Variants in CCBE1 observed in about 807,000 individuals in gnomAD.
CCBE1 encodes the protein collagen and calcium binding EGF domains 1.
In CCBE1, 37 loss-of-function variants were observed where a neutral mutation model predicts 50.0. The observed-to-expected ratio is 0.74, with a 90% CI of 0.57 to 0.97. CCBE1 has a LOEUF of 0.97. Ranked by LOEUF, CCBE1 falls within the 50% of genes least tolerant of loss-of-function variation. The probability of loss-of-function intolerance (pLI) is 0.00; values close to 1 mark genes in which losing one functional copy is unlikely to be tolerated. For missense variants in CCBE1, 538 were observed against 523.8 expected, an observed-to-expected ratio of 1.03 and a Z score of -0.26; for synonymous variants, 234 against 203.7, an observed-to-expected ratio of 1.15 and a Z score of -1.27.
intron 2 of CCBE1, among the ~76,000 whole-genome samples, chr18:59,615,673 T>G (rs1479028741): frequency 3.3e-5 from 5 of 152,230 alleles, no homozygotes; most frequent in Admixed American, 2.0e-4. Flanking sequence ...TATAGTTTAT[T>G]TAACCAGCTG....
intron 2 of CCBE1, among the ~76,000 whole-genome samples, chr18:59,682,604 G>A (rs2054605287): frequency 6.6e-6 from 1 of 152,168 alleles, no homozygotes; most frequent in Admixed American, 6.5e-5. Context: ...GAAATACCAT[G>A]CTGTAAAATG....
chr18:59,474,265 A>G (rs1912203483), intron 3 of CCBE1, among the ~76,000 whole-genome samples: 1 of 152,198 alleles, frequency 6.6e-6, no homozygotes, highest in Non-Finnish European at 1.5e-5. Context: ...GCTGGGCCAA[A>G]TGGTAGTTTC....
intron 2 of CCBE1, among the ~76,000 whole-genome samples, chr18:59,500,507 C>T (rs1303803862): frequency 2.0e-5 from 3 of 152,126 alleles, no homozygotes; most frequent in African/African-American, 7.2e-5. Context: ...GGTTCAGGCC[C>T]AGGACTGAAG....
intron 2 of CCBE1, among the ~76,000 whole-genome samples, chr18:59,666,920 G>T (rs763977420): frequency 1.3e-5 from 2 of 152,140 alleles, no homozygotes; most frequent in Non-Finnish European, 2.9e-5. Flanking sequence ...AGCAAAGATC[G>T]TGCCACTGCA....
intron 2 of CCBE1, among the ~76,000 whole-genome samples, chr18:59,571,595 G>C (rs1347582836): frequency 6.6e-6 from 1 of 152,086 alleles, no homozygotes; most frequent in Non-Finnish European, 1.5e-5. Flanking sequence ...TGCACGTTGT[G>C]CGCATGTACC....
chr18:59,440,738 A>G (rs866316031), intron 7 of CCBE1, among the ~76,000 whole-genome samples: 5 of 152,046 alleles, frequency 3.3e-5, no homozygotes, highest in Non-Finnish European at 7.4e-5. Context: ...GAGTTGGGGG[A>G]TATGGGGAAG....
chr18:59,591,103 G>A (rs988143207), intron 2 of CCBE1, among the ~76,000 whole-genome samples: 1 of 88,476 alleles, frequency 1.1e-5, no homozygotes, highest in Non-Finnish European at 2.0e-5. Flanking sequence ...AAAATTAGCC[G>A]GGCGTGATGG....
chr18:59,617,038 A>G (rs1224736747), intron 2 of CCBE1, among the ~76,000 whole-genome samples: 2 of 152,218 alleles, frequency 1.3e-5, no homozygotes, highest in African/African-American at 4.8e-5. Context: ...AACCAATTAG[A>G]TAAGGGACTG....
chr18:59,471,040 C>T (rs1315293694), intron 3 of CCBE1, among the ~76,000 whole-genome samples: 1 of 152,232 alleles, frequency 6.6e-6, no homozygotes, highest in East Asian at 1.9e-4. Flanking sequence ...CGCCTCTAGG[C>T]AGCCAAGGTT....
intron 2 of CCBE1, among the ~76,000 whole-genome samples, chr18:59,534,841 A>G (rs1005038265): frequency 2.6e-5 from 4 of 152,208 alleles, no homozygotes; most frequent in Admixed American, 2.0e-4. Flanking sequence ...CAGACCATGC[A>G]TATAGAAATG....
chr18:59,647,575 C>T (rs11152166), intron 2 of CCBE1, among the ~76,000 whole-genome samples: 68,518 of 151,994 alleles, frequency 0.45, 17,672 homozygotes, highest in Non-Finnish European at 0.57. Flanking sequence ...CTGTGTTCAT[C>T]TTTTTCAAAA....
At chr18:59,688,104 C>G in intron 2 of CCBE1, 1 of 152,136 alleles carries the variant, frequency 6.6e-6, no homozygotes, top group East Asian at 1.9e-4. Context: ...TTTTTTCCCT[C>G]GATGGGTATT....
intron 7 of CCBE1, among the ~76,000 whole-genome samples, chr18:59,443,092 G>A (rs1910511149): frequency 6.6e-6 from 1 of 152,174 alleles, no homozygotes; most frequent in Non-Finnish European, 1.5e-5. Context: ...GTCTGATAAT[G>A]GTTGTTTGCA....
At chr18:59,664,209 T>G (rs11152167) in intron 2 of CCBE1, among the ~76,000 whole-genome samples, 67,858 of 151,760 alleles carry the variant, frequency 0.45, 16,586 homozygotes, top group African/African-American at 0.65. Flanking sequence ...TCCCATTCAT[T>G]AGGGCTCCAC....
rs1453375172 is a variant in CCBE1, at chr18:59,466,865, C to G, written c.427G>C (p.Gly143Arg). The G allele has an allele frequency of 1.9e-6, 3 of 1,613,324 alleles. No homozygotes were observed. The highest frequency in any genetic ancestry group is 2.5e-6 in the Non-Finnish European group (3 of 1,179,700). The change falls in exon 5 of 11, where the codon GGG (glycine) becomes CGG (arginine). Residue 143 changes from glycine to arginine, a missense_variant. Coordinates refer to ENST00000439986, the MANE Select transcript of CCBE1 (RefSeq NM_133459.4). Reference sequence around the variant, plus strand: ...ATGCAGATGTGGGCACACAGCGTCCCATTGCTGCTGGCACACTCATCAATA... The same window carrying G: ...ATGCAGATGTGGGCACACAGCGTCCGATTGCTGCTGGCACACTCATCAATA... ...LDIDECASSN[G>R]TLCAHICINT...
At chr18:59,581,979 G>A (rs1332056694) in intron 2 of CCBE1, among the ~76,000 whole-genome samples, 3 of 152,056 alleles carry the variant, frequency 2.0e-5, no homozygotes, top group African/African-American at 7.2e-5. Context: ...GGAATCATGG[G>A]CTAAGTGTGA....
intron 2 of CCBE1, among the ~76,000 whole-genome samples, chr18:59,588,164 G>T (rs988548779): frequency 6.6e-6 from 1 of 152,162 alleles, no homozygotes; most frequent in African/African-American, 2.4e-5. Flanking sequence ...TGGTTTTTGA[G>T]GTATAGCCTA....
At chr18:59,664,265 C>T (rs2054322963) in intron 2 of CCBE1, among the ~76,000 whole-genome samples, 1 of 152,082 alleles carries the variant, frequency 6.6e-6, no homozygotes, top group African/African-American at 2.4e-5. Flanking sequence ...AATCCCATCA[C>T]CTTAGAGGTT....
intron 2 of CCBE1, among the ~76,000 whole-genome samples, chr18:59,547,442 C>T (rs918378649): frequency 1.3e-5 from 2 of 152,006 alleles, no homozygotes; most frequent in African/African-American, 4.8e-5. Flanking sequence ...TTGACATGTC[C>T]AGAAGGCAAT....
Sources: gnomAD v4.1 joint callset for allele counts (sites outside exome capture counted in the v4.1 genomes callset) on GRCh38, gnomAD v4.1.1 for gene constraint, MANE v1.5 for transcripts, NCBI Gene and HGNC (gene_info 2026-07-23, HGNC 2026-07-21) for gene names.